PTPRD: variants seen among roughly 807,000 people sequenced by gnomAD.
PTPRD encodes protein tyrosine phosphatase receptor type D, also known as receptor-type tyrosine-protein phosphatase delta.
In PTPRD, 34 loss-of-function variants were observed where a neutral mutation model predicts 214.5. The observed-to-expected ratio is 0.16, with a 90% CI of 0.12 to 0.21. PTPRD has a LOEUF of 0.21. Ranked by LOEUF, PTPRD falls within the 10% of genes least tolerant of loss-of-function variation. PTPRD has a pLI of 1.00. For synonymous variants in PTPRD, 1,128 were observed against 845.7 expected (o/e 1.33, Z -5.79); for missense variants, 2,545 against 2,398.7 (o/e 1.06, Z -1.27).
chr9:10,485,217 T>C (rs1210607042), intron 2 of PTPRD, among the ~76,000 whole-genome samples: 4 of 152,100 alleles, frequency 2.6e-5, no homozygotes, highest in African/African-American at 9.7e-5. Context: ...GTTCCATTGG[T>C]CTACGTGTCT....
chr9:9,773,909 G>T (rs2098774654), intron 5 of PTPRD, among the ~76,000 whole-genome samples: 1 of 152,100 alleles, frequency 6.6e-6, no homozygotes, highest in Non-Finnish European at 1.5e-5. Context: ...TCTTTATTCT[G>T]CATCTTTAAA....
At chr9:9,341,935 A>G (rs2046967086) in intron 9 of PTPRD, among the ~76,000 whole-genome samples, 1 of 152,042 alleles carries the variant, frequency 6.6e-6, no homozygotes, top group Non-Finnish European at 1.5e-5. Context: ...CAGCCTCTCC[A>G]GTAGCTGGGA....
chr9:10,251,923 G>A (rs1057120524), intron 3 of PTPRD, among the ~76,000 whole-genome samples: 2 of 152,110 alleles, frequency 1.3e-5, no homozygotes, highest in Non-Finnish European at 2.9e-5. Context: ...GCAGAGTAAG[G>A]TGGCTATAAT....
intron 5 of PTPRD, among the ~76,000 whole-genome samples, chr9:9,863,449 G>A (rs1466922018): frequency 6.6e-6 from 1 of 152,184 alleles, no homozygotes; most frequent in African/African-American, 2.4e-5. Context: ...CGTTGAATGT[G>A]TCTGATCAGT....
chr9:8,859,425 A>C (rs555357403), intron 11 of PTPRD, among the ~76,000 whole-genome samples: 10 of 152,188 alleles, frequency 6.6e-5, no homozygotes, highest in Non-Finnish European at 1.5e-4. Flanking sequence ...GGCAGCTGGA[A>C]GCCACCATTG....
chr9:9,441,732 A>AT (rs2087932306), intron 8 of PTPRD, among the ~76,000 whole-genome samples: 1 of 152,182 alleles, frequency 6.6e-6, no homozygotes, highest in East Asian at 1.9e-4. Flanking sequence ...AAATGAATGA[A>AT]TTTGGCATTA....
chr9:10,520,026 T>C (rs2051628796), intron 2 of PTPRD, among the ~76,000 whole-genome samples: 1 of 152,072 alleles, frequency 6.6e-6, no homozygotes, highest in Non-Finnish European at 1.5e-5. Context: ...AATTCAACAA[T>C]GGCCTCTAAG....
At chr9:9,058,535 G>GC in intron 10 of PTPRD, among the ~76,000 whole-genome samples, 1 of 126,996 alleles carries the variant, frequency 7.9e-6, no homozygotes, top group South Asian at 2.7e-4. Context: ...TGCAGCCTCC[G>GC]CCCCCTGGGG....
intron 10 of PTPRD, among the ~76,000 whole-genome samples, chr9:9,080,001 T>C (rs1179660499): frequency 6.6e-6 from 1 of 152,072 alleles, no homozygotes; most frequent in Non-Finnish European, 1.5e-5. Context: ...TTCAATGACA[T>C]CCCGAACATT....
chr9:8,325,923 T>C (rs1833218759), intron 44 of PTPRD, among the ~76,000 whole-genome samples: 1 of 152,218 alleles, frequency 6.6e-6, no homozygotes, highest in South Asian at 2.1e-4. Context: ...TGATTTTGTA[T>C]CCTGAGACTT....
chr9:10,527,108 A>G (rs1447091585), intron 2 of PTPRD, among the ~76,000 whole-genome samples: 1 of 152,156 alleles, frequency 6.6e-6, no homozygotes, highest in Non-Finnish European at 1.5e-5. Context: ...GACAAATACA[A>G]TTGGAAAGAG....
At chr9:10,142,660 C>G (rs1409072139) in intron 3 of PTPRD, among the ~76,000 whole-genome samples, 1 of 148,428 alleles carries the variant, frequency 6.7e-6, no homozygotes, top group East Asian at 2.0e-4. Flanking sequence ...AATAGGAACA[C>G]TTTTACACTG....
At chr9:8,535,749 A>G (rs1365145173) in intron 14 of PTPRD, among the ~76,000 whole-genome samples, 1 of 151,962 alleles carries the variant, frequency 6.6e-6, no homozygotes, top group Non-Finnish European at 1.5e-5. Flanking sequence ...GTTTCTTAAC[A>G]TTCTGAAAAT....
At chr9:8,849,577 G>A (rs1249984315) in intron 11 of PTPRD, among the ~76,000 whole-genome samples, 1 of 152,132 alleles carries the variant, frequency 6.6e-6, no homozygotes, top group Non-Finnish European at 1.5e-5. Context: ...CACTTGAACT[G>A]AGCATTAGAA....
At chr9:9,306,092 G>T (rs575260717) in intron 9 of PTPRD, among the ~76,000 whole-genome samples, 33 of 152,232 alleles carry the variant, frequency 2.2e-4, no homozygotes, top group Non-Finnish European at 4.0e-4. Context: ...ACAGAGCCCA[G>T]GAAATATGAA....
At chr9:8,603,727 G>C (rs2095026112) in intron 14 of PTPRD, among the ~76,000 whole-genome samples, 1 of 152,138 alleles carries the variant, frequency 6.6e-6, no homozygotes, top group African/African-American at 2.4e-5. Context: ...CCTATCCATT[G>C]ATATAATCAA....
At chr9:9,421,191 T>C (rs555042987) in intron 8 of PTPRD, among the ~76,000 whole-genome samples, 3 of 152,064 alleles carry the variant, frequency 2.0e-5, no homozygotes, top group Admixed American at 1.3e-4. Context: ...CCTTTATATA[T>C]TGCCTTTAAC....
At chr9:9,816,472 C>T (rs1279601281) in intron 5 of PTPRD, among the ~76,000 whole-genome samples, 1 of 151,804 alleles carries the variant, frequency 6.6e-6, no homozygotes, top group East Asian at 1.9e-4. Context: ...ATAAATCTCA[C>T]TATTTGAACA....
At position 8,729,890 on chromosome 9, in the gene PTPRD, C is replaced by A. The variant is rs937411656; in HGVS notation, c.64+3890G>T. 2.0e-5 allele frequency among the ~76,000 whole-genome samples: 3 copies of A among 152,170 alleles called. No homozygotes were observed. In the East Asian group the frequency reaches 5.8e-4, roughly 29 times the overall value. On this transcript the variant is annotated intron_variant, in intron 12 of 45. Coordinates refer to ENST00000381196, the MANE Select transcript of PTPRD (RefSeq NM_002839.4). Reference sequence around the variant, plus strand: ...CTCTAATGTCAAAGAAATAAAGAAACTCCATGGTCTACAGTGATATAATAC... The same window carrying A: ...CTCTAATGTCAAAGAAATAAAGAAAATCCATGGTCTACAGTGATATAATAC...
Sources: gnomAD v4.1 joint callset for allele counts (sites outside exome capture counted in the v4.1 genomes callset) on GRCh38, gnomAD v4.1.1 for gene constraint, MANE v1.5 for transcripts, NCBI Gene and HGNC (gene_info 2026-07-23, HGNC 2026-07-21) for gene names.